Variants in MST1R observed in about 807,000 individuals in gnomAD.
MST1R encodes the protein macrophage-stimulating protein receptor.
MST1R carries 99 observed loss-of-function variants against 117.8 expected under a neutral mutation model. The ratio of observed to expected loss-of-function variants is 0.84; its 90% CI spans 0.71 to 0.99. The LOEUF (loss-of-function observed/expected upper bound fraction) is 0.99, where lower values mean the gene tolerates loss of function less well. Ranked by LOEUF, MST1R falls within the 50% of genes least tolerant of loss-of-function variation. MST1R has a pLI of 0.00. For missense variants in MST1R, 1,683 were observed against 1,840.2 expected, an observed-to-expected ratio of 0.91 and a Z score of 1.56; for synonymous variants, 734 against 765.3, an observed-to-expected ratio of 0.96 and a Z score of 0.68.
chr3:49,895,554 G>C lies in MST1R; in HGVS notation c.2963-6C>G. ...ATTCAGGTTGGGAGGAAGAACTGTGGAAAGAGAATCCTTGGTGGCTTGGCT... is the reference window on the plus strand; with the variant it reads ...ATTCAGGTTGGGAGGAAGAACTGTGCAAAGAGAATCCTTGGTGGCTTGGCT... On this transcript the variant is annotated splice_region_variant and splice_polypyrimidine_tract_variant and intron_variant, in intron 12 of 19. Coordinates refer to ENST00000296474, the MANE Select transcript of MST1R (RefSeq NM_002447.4). 6.2e-7 allele frequency: 1 copy of C among 1,614,102 alleles called. No individual in the cohort carries two copies. Among genetic ancestry groups the C allele is most frequent in the Non-Finnish European group, 8.5e-7 (1 of 1,179,984 alleles).
At position 49,887,575 on chromosome 3, in the gene MST1R, A is replaced by T. The variant is rs769890619; in HGVS notation, c.3948-13T>A. 2 of 1,612,262 alleles carry T rather than the reference A, an allele frequency of 1.2e-6. No homozygotes were observed. The highest frequency in any genetic ancestry group is 2.7e-5 in the African/African-American group (2 of 75,038). On this transcript the variant is annotated splice_polypyrimidine_tract_variant and intron_variant, in intron 19 of 19. Transcript: ENST00000296474. ...CATCACTTGGTACCTGTTGGGGGAA[A>T]GGGATGTCAGGTTAAGGCAATTTCC... is the stretch of plus-strand genomic sequence containing the variant.
In MST1R at chr3:49,903,199, G is replaced by A; in HGVS notation, c.411C>T (p.Ser137=). The A allele has an allele frequency of 6.2e-7, 1 of 1,606,232 alleles. No individual in the cohort carries two copies. The highest frequency in any genetic ancestry group is 8.5e-7 in the Non-Finnish European group (1 of 1,179,998). The change falls in exon 1 of 20, where the codon TCC becomes TCT. Residue 137 remains serine, a synonymous_variant. Coordinates refer to ENST00000296474, the MANE Select transcript of MST1R (RefSeq NM_002447.4). ...PALPALVSCG[S]SLQGRCFLHD... is the part of the protein sequence containing the mutation. ...GCAGGAAGCAGCGGCCCTGCAGGCT[G>A]GAGCCACAACTGACCAGCGCAGGCA... is the stretch of plus-strand genomic sequence containing the variant.
intron 19 of MST1R, among the ~76,000 whole-genome samples, chr3:49,888,542 C>A (rs1410570018): frequency 8.6e-5 from 13 of 150,748 alleles, no homozygotes; most frequent in African/African-American, 3.2e-4. Flanking sequence ...GCAGAGGTTG[C>A]AGTGAGCCAA....
Position 49,896,548 on chromosome 3 carries a change from C to T in MST1R, c.2431G>A (p.Glu811Lys). 6.2e-7 allele frequency: 1 copy of T among 1,614,180 alleles called. No individual in the cohort carries two copies. Among genetic ancestry groups the T allele is most frequent in the Non-Finnish European group, 8.5e-7 (1 of 1,180,026 alleles). Residue 811 changes from glutamate (E) to lysine (K), a missense_variant, in exon 9 of 20, where the codon GAA becomes AAA. By Grantham distance (56) the Glu-to-Lys change is moderately conservative (BLOSUM62 1). Transcript: ENST00000296474. ...GGCCAGCACTCACTCACCCTGCTTT[C>T]CACTGCCCTAAGCCCGTCATGGAAT... The part of the protein sequence containing the change: ...LSFHDGLRAV[E>K]SRCERQLPEQ...
chr3:49,893,898 CAAAA>C (rs1442289482), intron 14 of MST1R, among the ~76,000 whole-genome samples: 1 of 130,052 alleles, frequency 7.7e-6, no homozygotes. Flanking sequence ...GACTCCCTCT[CAAAA>C]AAAAAAAAAA....
intron 11 of MST1R, 21 bp from the exon 12 acceptor site, chr3:49,895,901 A>G: frequency 6.3e-7 from 1 of 1,582,710 alleles, no homozygotes; most frequent in South Asian, 1.2e-5. Context: ...GTGGCAACTC[A>G]GGCCCAGCCT....
rs553617101 is a variant in MST1R, at chr3:49,902,694, G to A, written c.916C>T (p.Arg306Cys). ...LVLDCRFAPK[R>C]RRRGAPEGGQ... The stretch of plus-strand genomic sequence containing the variant: ...CCTTCTGGGGCCCCCCGGCGCCTGC[G>A]TTTTGGAGCAAATCTGCAGTCGAGG... The change falls in exon 1 of 20, where the codon CGC (arginine) becomes TGC (cysteine). Residue 306 changes from arginine to cysteine, a missense_variant. By Grantham distance (180) the Arg-to-Cys change is radical (BLOSUM62 -3). Coordinates refer to ENST00000296474, the MANE Select transcript of MST1R (RefSeq NM_002447.4). The A allele has an allele frequency of 8.7e-6, 14 of 1,613,520 alleles. No individual in the cohort carries two copies. The highest frequency in any genetic ancestry group is 5.5e-5 in the South Asian group (5 of 91,088).
rs750962751 is a variant in MST1R, at chr3:49,891,562, T to C, written c.3371A>G (p.Gln1124Arg). 1 of 1,613,920 alleles carries C rather than the reference T, an allele frequency of 6.2e-7. No individual in the cohort carries two copies. Among genetic ancestry groups the C allele is most frequent in the South Asian group, 1.1e-5 (1 of 91,074 alleles). ...CCCCTCTCGCAGGAAGGCCTCCACC[T>C]GCTGCATCTCTGTGATGCCTGCAGA... ...KSLSRITEMQ[Q>R]VEAFLREGLL... The change falls in exon 16 of 20, where the codon CAG (glutamine) becomes CGG (arginine). Residue 1124 changes from glutamine (Q) to arginine (R), a missense_variant. Physicochemically the swap from Gln to Arg is conservative, Grantham distance 43. Coordinates refer to ENST00000296474, the MANE Select transcript of MST1R (RefSeq NM_002447.4).
At chr3:49,887,586 G>C (rs368848297) in intron 19 of MST1R, 24 bp from the exon 20 acceptor site, 1 of 1,609,762 alleles carries the variant, frequency 6.2e-7, no homozygotes, top group Non-Finnish European at 8.5e-7. Context: ...GGGATGTCAG[G>C]TTAAGGCAAT....
At position 49,895,874 on chromosome 3, in the gene MST1R, C is replaced by A; in HGVS notation, c.2803G>T (p.Val935Leu). The change falls in exon 12 of 20, where the codon GTA (valine) becomes TTA (leucine). Residue 935 changes from valine (V) to leucine (L), a missense_variant. Coordinates refer to ENST00000296474, the MANE Select transcript of MST1R (RefSeq NM_002447.4). ...CCCAGGATATGACATTCACCATCTACGCAGACCTGGGGGCAGGTGGCAACT... is the reference window on the plus strand; with the variant it reads ...CCCAGGATATGACATTCACCATCTAAGCAGACCTGGGGGCAGGTGGCAACT... ...GQDGAPLQVC[V>L]DGECHILGRV... is the part of the protein sequence containing the mutation. The A allele has an allele frequency of 6.2e-7, 1 of 1,601,078 alleles. No individual in the cohort carries two copies. Among genetic ancestry groups the A allele is most frequent in the Non-Finnish European group, 8.5e-7 (1 of 1,172,690 alleles).
chr3:49,901,989 C>T (rs939440467), intron 1 of MST1R, among the ~76,000 whole-genome samples: 3 of 151,656 alleles, frequency 2.0e-5, no homozygotes, highest in Admixed American at 1.3e-4. Context: ...TGCGTGTGTC[C>T]CTGAGGATAT....
chr3:49,888,416 AC>A (rs2082223838), intron 19 of MST1R, among the ~76,000 whole-genome samples: 1 of 141,686 alleles, frequency 7.1e-6, no homozygotes, highest in Non-Finnish European at 1.5e-5. Flanking sequence ...AGCCTGGGCA[AC>A]AGAGCGAGAC....
rs777797719 is a variant in MST1R, at chr3:49,890,056, G to A, written c.3815C>T (p.Ser1272Leu). 4 of 1,601,256 alleles carry A rather than the reference G, an allele frequency of 2.5e-6. No homozygotes were observed. The highest frequency in any genetic ancestry group is 1.1e-5 in the South Asian group (1 of 88,702). The change falls in exon 19 of 20, where the codon TCA becomes TTA. Residue 1272 changes from serine to leucine, a missense_variant. Physicochemically the swap from Ser to Leu is moderately radical, Grantham distance 145 (BLOSUM62 -2). Coordinates refer to ENST00000296474, the MANE Select transcript of MST1R (RefSeq NM_002447.4). ...YRFTTKSDVW[S>L]FGVLLWELLT... The stretch of plus-strand genomic sequence containing the variant: ...CAGTTCCCACAGCAGCACACCAAAT[G>A]ACCACTGTGGAAAGGGGGAGGTGAG...
chr3:49,899,516 A>G, intron 1 of MST1R: 1 of 315,492 alleles, frequency 3.2e-6, no homozygotes, highest in East Asian at 8.1e-5. Context: ...GCCCATCCTG[A>G]TGGTGAGTTA....
chr3:49,891,141 C>T, intron 17 of MST1R, 56 bp downstream of exon 17: 1 of 1,523,840 alleles, frequency 6.6e-7, no homozygotes, highest in Non-Finnish European at 9.1e-7. Flanking sequence ...GCCTTGAGCA[C>T]CGCACACCCT....
Position 49,898,499 on chromosome 3 carries a change from C to T in MST1R, c.1719+19G>A, listed in dbSNP as rs375941955. 5.6e-6 allele frequency: 9 copies of T among 1,611,282 alleles called. No homozygotes were observed. The African/African-American group carries it at 8.0e-5, about 14-fold the overall frequency. On this transcript the variant is annotated intron_variant, in intron 4 of 19. Coordinates refer to ENST00000296474, the MANE Select transcript of MST1R (RefSeq NM_002447.4). ...CAGCCTGTCCCACTCTTACCTGTGC[C>T]CTGCCAGGGAAGCCATACCTCAGTA...
intron 18 of MST1R, 36 bp from the exon 19 acceptor site, chr3:49,890,096 C>A: frequency 6.5e-7 from 1 of 1,548,728 alleles, no homozygotes; most frequent in Non-Finnish European, 8.7e-7. Context: ...CTCAACTCAC[C>A]CCAAATTTGG....
chr3:49,892,688 T>G (rs1301645373), intron 14 of MST1R, among the ~76,000 whole-genome samples: 1 of 140,548 alleles, frequency 7.1e-6, no homozygotes, highest in East Asian at 2.1e-4. Context: ...AAAAAAAGGC[T>G]CATGCCTTTA....
Position 49,903,829 on chromosome 3 carries a change from ACGCCCCAGCCGCCTCACCTGC to A in MST1R, c.-241_-221del, listed in dbSNP as rs1056029726. The A allele has an allele frequency of 4.8e-5, 28 of 586,560 alleles. No homozygotes were observed. The highest frequency in any genetic ancestry group is 4.5e-4 in the Middle Eastern group (1 of 2,210). 36.3% of individuals were successfully genotyped at this position (586,560 alleles called of 1,614,324 possible). ...TGACGCCTGCGGACGCACGACAGCA[ACGCCCCAGCCGCCTCACCTGC>A]CGCCCCAGCCGCCGCTGTACACTGG... is the stretch of plus-strand genomic sequence containing the variant. On this transcript the variant is annotated 5_prime_UTR_variant, in exon 1 of 20. Coordinates refer to ENST00000296474, the MANE Select transcript of MST1R (RefSeq NM_002447.4).
Sources: allele counts gnomAD v4.1 joint callset (sites outside exome capture counted in the v4.1 genomes callset), GRCh38; gene constraint gnomAD v4.1.1; transcripts MANE v1.5; gene names NCBI Gene and HGNC (gene_info 2026-07-23, HGNC 2026-07-21).